The following PDE4D variants were observed in gnomAD, a reference collection of about 807,000 sequenced individuals.
The protein encoded by PDE4D is phosphodiesterase 4D, also known as 3',5'-cyclic-AMP phosphodiesterase 4D.
Under a neutral mutation model 87.4 loss-of-function variants are expected in PDE4D, and 24 were observed. The observed-to-expected ratio is 0.27, with a 90% CI of 0.20 to 0.39. The LOEUF is 0.39. Among genes scored for constraint, PDE4D ranks in the 10% least tolerant of loss-of-function variants. PDE4D has a pLI of 1.00. For missense variants in PDE4D, 714 were observed against 1,041.0 expected (o/e 0.69, Z 4.32); for synonymous variants, 384 against 383.2 (o/e 1.00, Z -0.02).
At chr5:59,292,481 T>C (rs1192010966) in intron 1 of PDE4D, among the ~76,000 whole-genome samples, 1 of 152,184 alleles carries the variant, frequency 6.6e-6, no homozygotes, top group Admixed American at 6.6e-5. Context: ...GAAGGGTCTT[T>C]ATAATTTTGC....
chr5:60,402,462 T>A (rs1583639942), intron 1 of PDE4D, among the ~76,000 whole-genome samples: 1 of 152,206 alleles, frequency 6.6e-6, no homozygotes, highest in Admixed American at 6.5e-5. Context: ...TGTTCAGTAA[T>A]TGGCTCTACC....
At chr5:60,082,147 C>G (rs1774028983) in intron 2 of PDE4D, among the ~76,000 whole-genome samples, 1 of 152,102 alleles carries the variant, frequency 6.6e-6, no homozygotes, top group Non-Finnish European at 1.5e-5. Context: ...TTTTCTGCCC[C>G]CCAAAATTTA....
chr5:59,217,290 CAA>C, intron 1 of PDE4D: 1 of 455,698 alleles, frequency 2.2e-6, no homozygotes, highest in Non-Finnish European at 4.4e-6. Context: ...CATGTGAATT[CAA>C]GTTTTGCTGT....
chr5:60,384,688 G>C (rs892718725), intron 1 of PDE4D, among the ~76,000 whole-genome samples: 1 of 152,068 alleles, frequency 6.6e-6, no homozygotes, highest in Admixed American at 6.5e-5. Context: ...GTTTGTTTCT[G>C]TTGGGTTCTT....
At chr5:59,221,641 A>C (rs973550260) in intron 1 of PDE4D, among the ~76,000 whole-genome samples, 1 of 152,062 alleles carries the variant, frequency 6.6e-6, no homozygotes, top group Non-Finnish European at 1.5e-5. Flanking sequence ...CAAAAAAAAA[A>C]GTTTTCATAT....
chr5:59,577,008 G>A (rs1432279277), intron 1 of PDE4D, among the ~76,000 whole-genome samples: 1 of 151,900 alleles, frequency 6.6e-6, no homozygotes, highest in African/African-American at 2.4e-5. Flanking sequence ...GAACATCAAG[G>A]GACTCTCCAT....
intron 1 of PDE4D, among the ~76,000 whole-genome samples, chr5:59,639,631 T>A (rs1466443910): frequency 6.6e-6 from 1 of 152,136 alleles, no homozygotes; most frequent in African/African-American, 2.4e-5. Context: ...AATTTCAAAT[T>A]GAACTTGTTG....
chr5:59,272,936 T>G (rs1409586554), intron 1 of PDE4D, among the ~76,000 whole-genome samples: 1 of 152,038 alleles, frequency 6.6e-6, no homozygotes, highest in Admixed American at 6.6e-5. Context: ...TCTTGCACAA[T>G]ACAACAAACT....
chr5:59,230,480 AGATTTTATT>A (rs1754919691), intron 1 of PDE4D, among the ~76,000 whole-genome samples: 1 of 152,226 alleles, frequency 6.6e-6, no homozygotes, highest in Admixed American at 6.5e-5. Context: ...AATCTCCAAA[AGATTTTATT>A]GACTAAATAA....
At chr5:59,592,857 T>C (rs1241679318) in intron 1 of PDE4D, among the ~76,000 whole-genome samples, 6 of 152,136 alleles carry the variant, frequency 3.9e-5, no homozygotes, top group Non-Finnish European at 7.4e-5. Flanking sequence ...ATTTTCAGGT[T>C]CTGCCTTTTA....
intron 6 of PDE4D, among the ~76,000 whole-genome samples, chr5:59,032,166 G>A (rs985516752): frequency 2.6e-5 from 4 of 152,052 alleles, no homozygotes; most frequent in Non-Finnish European, 4.4e-5. Context: ...TTTCTATGAT[G>A]TACACATTTT....
rs1190565020 is a variant in PDE4D at position 59,723,391 on chromosome 5, G to A, written c.455+169777C>T. 3.3e-5 allele frequency among the ~76,000 whole-genome samples: 5 copies of A among 152,088 alleles called. No homozygotes were observed. The South Asian group carries it at 1.0e-3, about 32-fold the overall frequency. On this transcript the variant is annotated intron_variant, in intron 1 of 14. Coordinates refer to ENST00000340635, the MANE Select transcript of PDE4D (RefSeq NM_001104631.2). ...CATAGAATGTGGTAAAACTAAATGA[G>A]ACATTACATGCAAAGCATTTAACAC... is the stretch of plus-strand genomic sequence containing the variant.
At chr5:59,932,038 CAA>C (rs1756019340) in intron 3 of PDE4D, among the ~76,000 whole-genome samples, 1 of 152,126 alleles carries the variant, frequency 6.6e-6, no homozygotes, top group East Asian at 1.9e-4. Context: ...TTAGAGAAGA[CAA>C]ATATTCAAGC....
chr5:60,106,531 C>A (rs1390802072), intron 2 of PDE4D, among the ~76,000 whole-genome samples: 1 of 152,100 alleles, frequency 6.6e-6, no homozygotes, highest in African/African-American at 2.4e-5. Flanking sequence ...ACAGAACTCT[C>A]CACCCCAAAT....
At chr5:60,130,111 C>A (rs1779438454) in intron 2 of PDE4D, among the ~76,000 whole-genome samples, 1 of 152,190 alleles carries the variant, frequency 6.6e-6, no homozygotes, top group Admixed American at 6.5e-5. Flanking sequence ...CCTCATCAGA[C>A]ACCAAATTTG....
At chr5:60,227,660 A>C (rs950741425) in intron 1 of PDE4D, among the ~76,000 whole-genome samples, 1 of 151,320 alleles carries the variant, frequency 6.6e-6, no homozygotes, top group Non-Finnish European at 1.5e-5. Context: ...CGAAGGAAAG[A>C]AGGAAGGAAG....
chr5:59,795,306 T>C (rs1766334709), intron 1 of PDE4D, among the ~76,000 whole-genome samples: 1 of 152,300 alleles, frequency 6.6e-6, no homozygotes, highest in Non-Finnish European at 1.5e-5. Flanking sequence ...GGGCAGTTGG[T>C]TCCTCTTTTT....
At chr5:60,513,552 T>C (rs1750666241) in intron 1 of PDE4D, among the ~76,000 whole-genome samples, 1 of 151,866 alleles carries the variant, frequency 6.6e-6, no homozygotes, top group Admixed American at 6.6e-5. Context: ...ATAGAGAAAA[T>C]GGGAACAACA....
intron 1 of PDE4D, among the ~76,000 whole-genome samples, chr5:60,298,434 A>G (rs1006164265): frequency 2.6e-5 from 4 of 152,210 alleles, no homozygotes; most frequent in Non-Finnish European, 5.9e-5. Context: ...TTCTGCAAAA[A>G]AATGTATGCA....
Sources: allele counts gnomAD v4.1 joint callset (sites outside exome capture counted in the v4.1 genomes callset), GRCh38; gene constraint gnomAD v4.1.1; transcripts MANE v1.5; gene names NCBI Gene and HGNC (gene_info 2026-07-23, HGNC 2026-07-21).